UBE2E2: variants seen among roughly 807,000 people sequenced by gnomAD.
UBE2E2 encodes the protein ubiquitin-conjugating enzyme E2 E2.
Under a neutral mutation model 24.7 loss-of-function variants are expected in UBE2E2, and 6 were observed. The observed-to-expected ratio is 0.24, with a 90% confidence interval of 0.13 to 0.48. The LOEUF is 0.48. UBE2E2 is among the 20% of genes least tolerant of loss of function. The pLI is 0.99. For missense variants in UBE2E2, 169 were observed against 245.0 expected, an observed-to-expected ratio of 0.69 and a Z score of 2.07; for synonymous variants, 104 against 83.6, an observed-to-expected ratio of 1.24 and a Z score of -1.33.
At chr3:23,416,647 C>A (rs1338090650) in intron 3 of UBE2E2, among the ~76,000 whole-genome samples, 1 of 152,100 alleles carries the variant, frequency 6.6e-6, no homozygotes, top group African/African-American at 2.4e-5. Context: ...GCAGTGTTTT[C>A]CAACTTGGTT....
intron 3 of UBE2E2, among the ~76,000 whole-genome samples, chr3:23,434,632 T>C (rs1243689557): frequency 6.6e-6 from 1 of 152,150 alleles, no homozygotes; most frequent in Non-Finnish European, 1.5e-5. Context: ...AATGTACAAA[T>C]ATGCAAACTT....
chr3:23,270,384 TC>T (rs1325725844), intron 3 of UBE2E2, among the ~76,000 whole-genome samples: 3 of 152,160 alleles, frequency 2.0e-5, no homozygotes, highest in Admixed American at 2.0e-4. Context: ...CTTTTGCCGT[TC>T]CTGCACTCTT....
chr3:23,365,735 A>G (rs1696241805), intron 3 of UBE2E2, among the ~76,000 whole-genome samples: 2 of 152,312 alleles, frequency 1.3e-5, no homozygotes, highest in East Asian at 3.9e-4. Context: ...ACTACTGATG[A>G]CATTCTCCAT....
In UBE2E2 at chr3:23,393,765, C is replaced by T. The variant is rs150395886; in HGVS notation, c.228-105843C>T. Among the ~76,000 whole-genome samples, 266 of 152,066 alleles carry T rather than the reference C, an allele frequency of 1.7e-3. 2 individuals are homozygous for T. Among genetic ancestry groups the T allele is most frequent in the African/African-American group, 6.1e-3 (252 of 41,486 alleles). On this transcript the variant is annotated intron_variant, in intron 3 of 5. Transcript: ENST00000396703. ...GTCCACAAGCTAAAAATGGCTTTTACAGTTTTTTTAATGGTTAAAAAAATC... is the reference window on the plus strand; with the variant it reads ...GTCCACAAGCTAAAAATGGCTTTTATAGTTTTTTTAATGGTTAAAAAAATC...
intron 1 of UBE2E2, among the ~76,000 whole-genome samples, chr3:23,203,874 A>G (rs541032717): frequency 6.6e-6 from 1 of 151,538 alleles, no homozygotes; most frequent in African/African-American, 2.4e-5. Flanking sequence ...TATTTTCCCT[A>G]ATTGCATAAT....
chr3:23,528,175 C>T (rs1695043254), intron 4 of UBE2E2, among the ~76,000 whole-genome samples: 1 of 152,206 alleles, frequency 6.6e-6, no homozygotes, highest in African/African-American at 2.4e-5. Flanking sequence ...CCTCACCCCA[C>T]ATTTGGTCAC....
intron 3 of UBE2E2, among the ~76,000 whole-genome samples, chr3:23,351,372 A>G (rs1434115993): frequency 6.6e-6 from 1 of 152,248 alleles, no homozygotes; most frequent in Non-Finnish European, 1.5e-5. Flanking sequence ...ACGGGATCAA[A>G]TTCACACATA....
chr3:23,284,962 AATAT>A (rs754670052), intron 3 of UBE2E2, among the ~76,000 whole-genome samples: 1 of 141,530 alleles, frequency 7.1e-6, no homozygotes, highest in Non-Finnish European at 1.5e-5. Context: ...TGGAAAAAAA[AATAT>A]ATATATATAT....
Position 23,297,238 on chromosome 3 carries a change from A to G in UBE2E2, c.227+79926A>G, listed in dbSNP as rs1343659577. 5.3e-5 allele frequency among the ~76,000 whole-genome samples: 8 copies of G among 151,440 alleles called. No homozygotes were observed. In the South Asian group the frequency reaches 8.4e-4, roughly 16 times the overall value. ...TTTGTCAGATGAGTAGGTTGCAAAA[A>G]TTTTCTCCCATTCTGTAGGTTGCCT... On this transcript the variant is annotated intron_variant, in intron 3 of 5. Coordinates refer to ENST00000396703, the MANE Select transcript of UBE2E2 (RefSeq NM_152653.4).
At chr3:23,303,052 G>A (rs896837539) in intron 3 of UBE2E2, among the ~76,000 whole-genome samples, 5 of 152,106 alleles carry the variant, frequency 3.3e-5, no homozygotes, top group African/African-American at 7.2e-5. Context: ...TGGCATTACC[G>A]CCTGAGCTCT....
chr3:23,493,723 C>T (rs1378114254), intron 3 of UBE2E2, among the ~76,000 whole-genome samples: 2 of 152,068 alleles, frequency 1.3e-5, no homozygotes, highest in Non-Finnish European at 2.9e-5. Context: ...TAAAGTTCTG[C>T]TATATCTAAA....
Position 23,353,187 on chromosome 3 carries a change from A to T in UBE2E2, c.227+135875A>T, listed in dbSNP as rs1033814437. On this transcript the variant is annotated intron_variant, in intron 3 of 5. Coordinates refer to ENST00000396703, the MANE Select transcript of UBE2E2 (RefSeq NM_152653.4). ...AAGGCCTTTGACAAAATTCAACAAC[A>T]CTTCATGCTAAAAACTCTCAATAAA... Among the ~76,000 whole-genome samples the T allele has an allele frequency of 5.9e-5, 9 of 152,266 alleles. No homozygotes were observed. In the South Asian group the frequency reaches 6.2e-4, roughly 11 times the overall value.
intron 3 of UBE2E2, among the ~76,000 whole-genome samples, chr3:23,300,422 C>T (rs1489684337): frequency 2.6e-5 from 4 of 152,122 alleles, no homozygotes; most frequent in South Asian, 2.1e-4. Context: ...TGGCTGGTAC[C>T]GGTTGTCCCT....
chr3:23,436,766 G>A (rs1292918697), intron 3 of UBE2E2, among the ~76,000 whole-genome samples: 1 of 152,010 alleles, frequency 6.6e-6, no homozygotes, highest in African/African-American at 2.4e-5. Flanking sequence ...CATGAAACTG[G>A]CATACCACAG....
chr3:23,262,017 C>T (rs1298930137), intron 3 of UBE2E2, among the ~76,000 whole-genome samples: 1 of 152,104 alleles, frequency 6.6e-6, no homozygotes, highest in African/African-American at 2.4e-5. Flanking sequence ...AAACAATGTT[C>T]TAGTTTTAAT....
intron 3 of UBE2E2, among the ~76,000 whole-genome samples, chr3:23,461,703 A>G (rs867423747): frequency 1.3e-5 from 2 of 152,146 alleles, no homozygotes; most frequent in South Asian, 2.1e-4. Flanking sequence ...ATGTTTTTTC[A>G]TAAGGTCTCT....
intron 3 of UBE2E2, among the ~76,000 whole-genome samples, chr3:23,299,021 A>T (rs1698996771): frequency 6.6e-6 from 1 of 152,020 alleles, no homozygotes; most frequent in Admixed American, 6.6e-5. Flanking sequence ...TCTTGGGAGG[A>T]TGTATATGTC....
chr3:23,520,229 G>T (rs1453692442), intron 4 of UBE2E2, among the ~76,000 whole-genome samples: 1 of 151,870 alleles, frequency 6.6e-6, no homozygotes, highest in African/African-American at 2.4e-5. Flanking sequence ...TTACTGTGAG[G>T]ATTTGAATTC....
intron 3 of UBE2E2, among the ~76,000 whole-genome samples, chr3:23,359,548 A>G (rs1031287529): frequency 1.3e-5 from 2 of 152,158 alleles, no homozygotes; most frequent in Non-Finnish European, 2.9e-5. Context: ...AAACAGCTTT[A>G]ATGGTAGCAT....
Sources: allele counts gnomAD v4.1 joint callset (sites outside exome capture counted in the v4.1 genomes callset), GRCh38; gene constraint gnomAD v4.1.1; transcripts MANE v1.5; gene names NCBI Gene and HGNC (gene_info 2026-07-23, HGNC 2026-07-21).